MYOM2: variants seen among roughly 807,000 people sequenced by gnomAD.
The protein encoded by MYOM2 is myomesin-2.
A neutral mutation model predicts 187.6 loss-of-function variants in MYOM2; 254 were observed. That is an observed-to-expected ratio of 1.35 (90% CI 1.22 to 1.50). MYOM2 has a LOEUF of 1.50. Among genes scored for constraint, MYOM2 ranks in the 40% most tolerant of loss-of-function variants. The probability of loss-of-function intolerance (pLI) is 0.00; values close to 1 mark genes in which losing one functional copy is unlikely to be tolerated. For synonymous variants in MYOM2, 981 were observed against 753.8 expected (o/e 1.30, Z -4.94); for missense variants, 2,796 against 1,924.0 (o/e 1.45, Z -8.48).
intron 32 of MYOM2, among the ~76,000 whole-genome samples, chr8:2,139,948 A>C (rs1291160780): frequency 6.6e-6 from 1 of 152,112 alleles, no homozygotes; most frequent in Admixed American, 6.5e-5. Flanking sequence ...CATTTTAACC[A>C]CCTTTAAGGG....
chr8:2,102,547 T>C (rs1796743836), intron 20 of MYOM2, 120 bp from the exon 21 acceptor site: 2 of 608,646 alleles, frequency 3.3e-6, no homozygotes, highest in Non-Finnish European at 5.8e-6. Flanking sequence ...TAAGTATCAT[T>C]TTCCTAACTG....
At chr8:2,052,391 G>A in intron 3 of MYOM2, 78 bp downstream of exon 3, 1 of 1,438,446 alleles carries the variant, frequency 7.0e-7, no homozygotes, top group South Asian at 1.5e-5. Flanking sequence ...GAGGAGGGAA[G>A]AGCGACCTTA....
rs781527882 is a variant in MYOM2, at chr8:2,100,916, G to A, written c.2481G>A (p.Thr827=). The stretch of plus-strand genomic sequence containing the variant: ...TGACGTTCTGTGAGGTCAGGGACAC[G>A]TCCTTGGTCATGCTGTGGAAGGCCC... The part of the protein sequence containing the change: ...YDLTFCEVRD[T]SLVMLWKAPV... Residue 827 remains threonine, a synonymous_variant, in exon 20 of 37, where the codon ACG becomes ACA. Transcript: ENST00000262113. The A allele has an allele frequency of 1.5e-5, 25 of 1,614,144 alleles. No homozygotes were observed. Among genetic ancestry groups the A allele is most frequent in the Middle Eastern group, 1.7e-4 (1 of 6,060 alleles).
Position 2,096,422 on chromosome 8 carries a change from G to C in MYOM2, c.2301G>C (p.Pro767=). The change falls in exon 18 of 37, where the codon CCG becomes CCC. Residue 767 remains proline, a synonymous_variant. Coordinates refer to ENST00000262113, the MANE Select transcript of MYOM2 (RefSeq NM_003970.4). The part of the protein sequence containing the change: ...WHEVNSSPSK[P]TILTVDGLTE... ...AGGTCAATTCCTCACCCAGCAAACCGACAATCCTAACGGTCAGTTGGTTTT... is the reference window on the plus strand; with the variant it reads ...AGGTCAATTCCTCACCCAGCAAACCCACAATCCTAACGGTCAGTTGGTTTT... 6.2e-7 allele frequency: 1 copy of C among 1,614,072 alleles called. No homozygotes were observed. Among genetic ancestry groups the C allele is most frequent in the Non-Finnish European group, 8.5e-7 (1 of 1,180,002 alleles).
rs184172340 is a variant in MYOM2 at position 2,129,143 on chromosome 8, A to T, written c.3711A>T (p.Pro1237=). 1.2e-6 allele frequency: 2 copies of T among 1,606,962 alleles called. No homozygotes were observed. The highest frequency in any genetic ancestry group is 2.7e-5 in the African/African-American group (2 of 74,968). Residue 1237 remains proline (P), a synonymous_variant, in exon 32 of 37, where the codon CCA becomes CCT. Transcript: ENST00000262113. The part of the protein sequence containing the change: ...MSRVCGKSAS[P]LKVLCTPEGI... ...TTTCTGCAGGGAAATCTGCTTCGCC[A>T]CTGAAGGTACTCTGCACCCCAGAAG...
chr8:2,095,643 G>T (rs1201764787), intron 17 of MYOM2, among the ~76,000 whole-genome samples: 1 of 152,118 alleles, frequency 6.6e-6, no homozygotes, highest in Non-Finnish European at 1.5e-5. Flanking sequence ...TGTGTCTCAG[G>T]TAACAGAGGA....
chr8:2,118,553 G>C (rs927774175), intron 28 of MYOM2, among the ~76,000 whole-genome samples: 1 of 152,208 alleles, frequency 6.6e-6, no homozygotes, highest in Non-Finnish European at 1.5e-5. Context: ...TTTCAATAAA[G>C]AGATGATTCG....
chr8:2,119,566 C>T (rs552085141), intron 28 of MYOM2: 1 of 152,944 alleles, frequency 6.5e-6, no homozygotes, highest in Admixed American at 6.5e-5. Flanking sequence ...GGCAGGGTCT[C>T]TACGTGGTGG....
chr8:2,074,032 C>A (rs574899474), intron 10 of MYOM2, among the ~76,000 whole-genome samples: 1 of 152,198 alleles, frequency 6.6e-6, no homozygotes, highest in Admixed American at 6.5e-5. Flanking sequence ...CATCACCAGA[C>A]GCTTTATGTC....
At chr8:2,054,976 C>G (rs551642792) in intron 3 of MYOM2, among the ~76,000 whole-genome samples, 2 of 125,392 alleles carry the variant, frequency 1.6e-5, no homozygotes, top group East Asian at 4.2e-4. Flanking sequence ...AACCAAGTAC[C>G]TGGATACTGG....
intron 10 of MYOM2, among the ~76,000 whole-genome samples, chr8:2,074,698 G>T (rs1280693750): frequency 6.6e-6 from 1 of 151,998 alleles, no homozygotes; most frequent in Admixed American, 6.5e-5. Flanking sequence ...TAAGTGATTG[G>T]CCCCCCAACT....
At chr8:2,106,669 A>C in intron 23 of MYOM2, 72 bp downstream of exon 23, 1 of 1,130,218 alleles carries the variant, frequency 8.8e-7, no homozygotes, top group Non-Finnish European at 1.2e-6. Flanking sequence ...CCAACATAGA[A>C]AAGACTTACT....
chr8:2,139,718 C>G (rs1346041842), intron 32 of MYOM2, among the ~76,000 whole-genome samples: 1 of 152,134 alleles, frequency 6.6e-6, no homozygotes, highest in Non-Finnish European at 1.5e-5. Context: ...TGGAGTCCGT[C>G]CTGTTTTCAT....
At chr8:2,065,589 A>T (rs1818993026) in intron 6 of MYOM2, among the ~76,000 whole-genome samples, 1 of 152,164 alleles carries the variant, frequency 6.6e-6, no homozygotes, top group South Asian at 2.1e-4. Flanking sequence ...GAGCCTCGGC[A>T]ACTATTTTTG....
chr8:2,078,845 G>T lies in MYOM2; in HGVS notation c.1374G>T (p.Arg458Ser). ...FEGRSYIFRV[R>S]AVNSAGISRP... ...GAAGGTCTTACATATTCCGAGTGAG[G>T]GCAGTGAACAGTGCGGGCATCAGCC... The change falls in exon 12 of 37, where the codon AGG (arginine) becomes AGT (serine). Residue 458 changes from arginine (R) to serine (S), a missense_variant. By Grantham distance (110) the Arg-to-Ser change is moderately radical. Transcript: ENST00000262113. 6.2e-7 allele frequency: 1 copy of T among 1,614,092 alleles called. No homozygotes were observed. Among genetic ancestry groups the T allele is most frequent in the Non-Finnish European group, 8.5e-7 (1 of 1,179,986 alleles).
rs959174095 is a variant in MYOM2, at chr8:2,051,467, C to T, written c.107+594C>T. On this transcript the variant is annotated intron_variant, in intron 2 of 36. Transcript: ENST00000262113. ...CAATCTTAATGGGCTGATTGGAAGG[C>T]TGTGGTGAAGGGAGGGAGGGACCGC... 9.8e-5 allele frequency among the ~76,000 whole-genome samples: 15 copies of T among 152,300 alleles called. 1 individual carries two copies. The East Asian group carries it at 2.7e-3, about 27-fold the overall frequency.
At chr8:2,060,385 C>T (rs1347479187) in intron 6 of MYOM2, among the ~76,000 whole-genome samples, 3 of 151,976 alleles carry the variant, frequency 2.0e-5, no homozygotes, top group Admixed American at 2.0e-4. Flanking sequence ...CTGTGAGACT[C>T]CAATAAGAAG....
intron 1 of MYOM2, among the ~76,000 whole-genome samples, chr8:2,048,877 C>T (rs1199728057): frequency 6.6e-6 from 1 of 151,808 alleles, no homozygotes; most frequent in Non-Finnish European, 1.5e-5. Context: ...GCAAGCTCCG[C>T]CTCCCAGGTT....
In MYOM2 at chr8:2,073,264, G is replaced by A. The variant is rs543042997; in HGVS notation, c.959-75G>A. On this transcript the variant is annotated intron_variant, in intron 9 of 36. Transcript: ENST00000262113. ...CTGTCCTGTCCCGCTCTGAGACGAC[G>A]CTGGTGTCCCCGAGGCTTTCTTTGC... 1.5e-5 allele frequency: 23 copies of A among 1,505,782 alleles called. No homozygotes were observed. In the Admixed American group the frequency reaches 1.9e-4, roughly 12 times the overall value. The allele number at this position is 1,505,782 out of a possible 1,614,324, so 93.3% of individuals were successfully genotyped here. A position where few individuals can be genotyped will look rare whatever the true frequency, so the allele number is the denominator to read the frequency against.
Sources: allele counts gnomAD v4.1 joint callset (sites outside exome capture counted in the v4.1 genomes callset), GRCh38; gene constraint gnomAD v4.1.1; transcripts MANE v1.5; gene names NCBI Gene and HGNC (gene_info 2026-07-23, HGNC 2026-07-21).